The following BRCA2 variants were observed in gnomAD, a reference collection of about 807,000 sequenced individuals.
The protein encoded by BRCA2 is breast cancer type 2 susceptibility protein.
In BRCA2, 203 loss-of-function variants were observed where a neutral mutation model predicts 276.7. The ratio of observed to expected loss-of-function variants is 0.73; its 90% confidence interval spans 0.65 to 0.82. BRCA2 has a LOEUF of 0.82. Ranked by LOEUF, BRCA2 falls within the 40% of genes least tolerant of loss-of-function variation. BRCA2 has a pLI of 0.00. For missense variants in BRCA2, 3,920 were observed against 3,915.0 expected (o/e 1.00, Z -0.03); for synonymous variants, 1,289 against 1,338.4 (o/e 0.96, Z 0.81).
chr13:32,357,648 A>G, intron 15 of BRCA2, 94 bp from the exon 16 acceptor site: 2 of 1,357,898 alleles, frequency 1.5e-6, no homozygotes, highest in Non-Finnish European at 2.0e-6. Context: ...AATTTTTGGT[A>G]AATTCAGTTT....
chr13:32,360,566 G>A (rs1171390637), intron 16 of BRCA2, among the ~76,000 whole-genome samples: 1 of 152,152 alleles, frequency 6.6e-6, no homozygotes, highest in Non-Finnish European at 1.5e-5. Context: ...CACCATGTTG[G>A]CCAGGTTGGT....
At chr13:32,353,107 G>T (rs773347279) in intron 13 of BRCA2, among the ~76,000 whole-genome samples, 1 of 152,152 alleles carries the variant, frequency 6.6e-6, no homozygotes, top group Non-Finnish European at 1.5e-5. Context: ...CAATTATCTT[G>T]TCTCTCTCCT....
intron 15 of BRCA2, 76 bp from the exon 16 acceptor site, chr13:32,357,666 T>C: frequency 6.7e-7 from 1 of 1,486,404 alleles, no homozygotes; most frequent in Non-Finnish European, 9.2e-7. Flanking sequence ...TTTTGGTTTG[T>C]TATAATTGTT....
At chr13:32,333,768 C>G (rs180818019) in intron 10 of BRCA2, among the ~76,000 whole-genome samples, 2 of 152,130 alleles carry the variant, frequency 1.3e-5, no homozygotes, top group African/African-American at 4.8e-5. Context: ...TCCTTCCCCC[C>G]ACACACCCCC....
intron 24 of BRCA2, among the ~76,000 whole-genome samples, chr13:32,389,962 T>G (rs748689429): frequency 1.3e-5 from 2 of 152,228 alleles, no homozygotes; most frequent in Non-Finnish European, 2.9e-5. Context: ...GAGATTAGAC[T>G]CTGAGCCTTC....
At chr13:32,391,618 TG>T (rs1242385037) in intron 24 of BRCA2, among the ~76,000 whole-genome samples, 1 of 152,250 alleles carries the variant, frequency 6.6e-6, no homozygotes, top group African/African-American at 2.4e-5. Context: ...TTTTATAAAT[TG>T]CTAAGTCCTT....
intron 16 of BRCA2, among the ~76,000 whole-genome samples, chr13:32,360,900 C>T (rs1276571445): frequency 6.6e-6 from 1 of 152,148 alleles, no homozygotes; most frequent in African/African-American, 2.4e-5. Flanking sequence ...ATAAGAATGG[C>T]TGTGAAGATT....
intron 11 of BRCA2, among the ~76,000 whole-genome samples, chr13:32,343,691 A>G (rs1282701760): frequency 6.7e-6 from 1 of 148,638 alleles, no homozygotes; most frequent in Non-Finnish European, 1.5e-5. Flanking sequence ...ACTGAAGTAT[A>G]TTGACTTTCC....
chr13:32,329,507 CATTG>C lies in BRCA2; in HGVS notation c.681+19_681+22del. On this transcript the variant is annotated intron_variant, in intron 8 of 26. Coordinates refer to ENST00000380152, the MANE Select transcript of BRCA2 (RefSeq NM_000059.4). ...ATACTACTGCTGTAAGTAAATATGACATTGATTAGACTGTTGAAATTGCTAACAA... is the reference window on the plus strand; with the variant it reads ...ATACTACTGCTGTAAGTAAATATGACATTAGACTGTTGAAATTGCTAACAA... The C allele has an allele frequency of 6.3e-7, 1 of 1,574,826 alleles. No individual in the cohort carries two copies. Among genetic ancestry groups the C allele is most frequent in the South Asian group, 1.1e-5 (1 of 89,206 alleles).
chr13:32,394,034 A>G (rs1445600178), intron 24 of BRCA2, among the ~76,000 whole-genome samples: 2 of 152,096 alleles, frequency 1.3e-5, no homozygotes. Flanking sequence ...CTTCTTCCTT[A>G]TAAGAAGGGG....
chr13:32,395,020 T>A, intron 25 of BRCA2, 87 bp downstream of exon 25: 5 of 1,569,136 alleles, frequency 3.2e-6, no homozygotes, highest in Non-Finnish European at 4.4e-6. Flanking sequence ...TTATACAAAT[T>A]GGATAGTTGA....
chr13:32,362,172 G>A (rs1283902726), intron 16 of BRCA2, among the ~76,000 whole-genome samples: 1 of 152,010 alleles, frequency 6.6e-6, no homozygotes, highest in Non-Finnish European at 1.5e-5. Context: ...ACAGATGTGA[G>A]CTACCACTCT....
intron 10 of BRCA2, among the ~76,000 whole-genome samples, chr13:32,334,243 T>A (rs2072432244): frequency 6.6e-6 from 1 of 152,226 alleles, no homozygotes; most frequent in Admixed American, 6.5e-5. Context: ...GCCAACAACT[T>A]GAGACAGTTT....
intron 22 of BRCA2, 40 bp from the exon 23 acceptor site, chr13:32,379,710 C>G (rs1159429127): frequency 6.3e-7 from 1 of 1,583,178 alleles, no homozygotes; most frequent in East Asian, 2.2e-5. Flanking sequence ...AAATGATAAT[C>G]ACTTCTTCCA....
chr13:32,347,169 G>T (rs11571681), intron 13 of BRCA2, among the ~76,000 whole-genome samples: 1 of 151,938 alleles, frequency 6.6e-6, no homozygotes. Context: ...AAATTGCTCC[G>T]AATCAGTTAA....
rs927841570 is a variant in BRCA2, at chr13:32,399,970, G to T, written c.*1200G>T. On this transcript the variant is annotated 3_prime_UTR_variant, in exon 27 of 27. Coordinates refer to ENST00000380152, the MANE Select transcript of BRCA2 (RefSeq NM_000059.4). ...CCAGCTAATTTTTGCATTTTTAGTA[G>T]AGACTGGGTTTTACCATGTTGGCCA... The T allele has an allele frequency of 2.6e-5, 4 of 152,106 alleles. No homozygotes were observed. Among genetic ancestry groups the T allele is most frequent in the African/African-American group, 9.7e-5 (4 of 41,396 alleles). 9.4% of individuals were successfully genotyped at this position (152,106 alleles called of 1,614,324 possible).
chr13:32,392,472 G>A (rs978364095), intron 24 of BRCA2, among the ~76,000 whole-genome samples: 1 of 152,048 alleles, frequency 6.6e-6, no homozygotes, highest in African/African-American at 2.4e-5. Flanking sequence ...GATCACTTGA[G>A]GCCAGGAGTT....
intron 24 of BRCA2, chr13:32,385,431 CT>C (rs1260548048): frequency 1.9e-5 from 4 of 212,328 alleles, no homozygotes; most frequent in Non-Finnish European, 2.0e-5. Context: ...TTGGATATGT[CT>C]TTGGATATGT....
chr13:32,338,326 A>G lies in BRCA2; in HGVS notation c.3971A>G (p.Tyr1324Cys), dbSNP rs1486461236. The G allele has an allele frequency of 3.8e-6, 6 of 1,586,832 alleles. No homozygotes were observed. In the Admixed American group the frequency reaches 9.3e-5, roughly 25 times the overall value. The change falls in exon 11 of 27, where the codon TAT becomes TGT. Residue 1324 changes from tyrosine (Y) to cysteine (C), a missense_variant. Transcript: ENST00000380152. Reference sequence around the variant, plus strand: ...AATACTGAAAATGAAGATAACAAATATACTGCTGCCAGTAGAAATTCTCAT... The same window carrying G: ...AATACTGAAAATGAAGATAACAAATGTACTGCTGCCAGTAGAAATTCTCAT... ...KRNTENEDNK[Y>C]TAASRNSHNL...
Sources: gnomAD v4.1 joint callset for allele counts (sites outside exome capture counted in the v4.1 genomes callset) on GRCh38, gnomAD v4.1.1 for gene constraint, MANE v1.5 for transcripts, NCBI Gene and HGNC (gene_info 2026-07-23, HGNC 2026-07-21) for gene names.